Variants in TMEM132D observed in about 807,000 individuals in gnomAD.
The protein encoded by TMEM132D is transmembrane protein 132D, also known as mature OL transmembrane protein.
Under a neutral mutation model 62.3 loss-of-function variants are expected in TMEM132D, and 21 were observed. That is an observed-to-expected ratio of 0.34 (90% CI 0.24 to 0.49). TMEM132D has a LOEUF of 0.49. Ranked by LOEUF, TMEM132D falls within the 20% of genes least tolerant of loss-of-function variation. The pLI, the probability that TMEM132D is intolerant of heterozygous loss-of-function variation, is 0.99. For missense variants in TMEM132D, 1,346 were observed against 1,402.8 expected (o/e 0.96, Z 0.65); for synonymous variants, 621 against 575.6 (o/e 1.08, Z -1.13).
chr12:129,278,352 T>C (rs1881052125), intron 4 of TMEM132D, among the ~76,000 whole-genome samples: 2 of 152,170 alleles, frequency 1.3e-5, no homozygotes, highest in South Asian at 2.1e-4. Context: ...GTCCAGGCTC[T>C]GCTACATCAT....
At chr12:129,184,129 T>C (rs1209864428) in intron 5 of TMEM132D, among the ~76,000 whole-genome samples, 1 of 152,104 alleles carries the variant, frequency 6.6e-6, no homozygotes, top group Non-Finnish European at 1.5e-5. Context: ...CATGTCACCG[T>C]CTCACCCCTG....
chr12:129,895,578 A>G (rs1301673476), intron 1 of TMEM132D, among the ~76,000 whole-genome samples: 2 of 152,234 alleles, frequency 1.3e-5, no homozygotes, highest in Non-Finnish European at 2.9e-5. Flanking sequence ...GCTGCCAGGA[A>G]AAGATTCTGC....
chr12:129,695,498 C>T (rs978469557), intron 2 of TMEM132D, among the ~76,000 whole-genome samples: 6 of 152,228 alleles, frequency 3.9e-5, no homozygotes, highest in African/African-American at 9.6e-5. Flanking sequence ...AGGGTAACAA[C>T]GGGATGTACA....
chr12:129,105,798 A>G (rs1875479698), intron 5 of TMEM132D, among the ~76,000 whole-genome samples: 1 of 151,370 alleles, frequency 6.6e-6, no homozygotes, highest in Non-Finnish European at 1.5e-5. Context: ...GAGAAATAGG[A>G]ACAGTTTTAC....
intron 4 of TMEM132D, among the ~76,000 whole-genome samples, chr12:129,266,900 C>T (rs2135598410): frequency 6.6e-6 from 1 of 152,250 alleles, no homozygotes; most frequent in Non-Finnish European, 1.5e-5. Context: ...AGAGCTCTAC[C>T]TCCTCTCACT....
At chr12:129,800,723 G>A (rs564022980) in intron 1 of TMEM132D, among the ~76,000 whole-genome samples, 15 of 152,184 alleles carry the variant, frequency 9.9e-5, no homozygotes, top group Admixed American at 4.6e-4. Flanking sequence ...CAAGATGGCC[G>A]AATAGGAACA....
intron 2 of TMEM132D, among the ~76,000 whole-genome samples, chr12:129,531,692 G>A (rs913679578): frequency 1.3e-5 from 2 of 152,166 alleles, no homozygotes; most frequent in Non-Finnish European, 2.9e-5. Flanking sequence ...CCAAAATGAG[G>A]GGGCTGAGGT....
chr12:129,265,111 A>G (rs1880651364), intron 4 of TMEM132D, among the ~76,000 whole-genome samples: 1 of 152,204 alleles, frequency 6.6e-6, no homozygotes, highest in Non-Finnish European at 1.5e-5. Flanking sequence ...TGGTTCCTAC[A>G]AAATCCAGGA....
intron 3 of TMEM132D, among the ~76,000 whole-genome samples, chr12:129,461,576 T>G (rs559353909): frequency 3.9e-4 from 60 of 152,268 alleles, no homozygotes; most frequent in African/African-American, 1.4e-3. Flanking sequence ...GACTTATTCA[T>G]CTTCTTACAG....
At chr12:129,092,513 G>GGA (rs1365551516) in intron 5 of TMEM132D, among the ~76,000 whole-genome samples, 1 of 151,948 alleles carries the variant, frequency 6.6e-6, no homozygotes, top group Non-Finnish European at 1.5e-5. Flanking sequence ...CGGCCAACAT[G>GGA]GTGAAACCTG....
chr12:129,819,424 C>T (rs975308826), intron 1 of TMEM132D, among the ~76,000 whole-genome samples: 7 of 152,124 alleles, frequency 4.6e-5, no homozygotes, highest in Non-Finnish European at 8.8e-5. Flanking sequence ...GTCGGGGAGT[C>T]GCTATCTCTT....
Position 129,429,578 on chromosome 12 carries a change from CTTTCT to C in TMEM132D, c.1116-91766_1116-91762del, listed in dbSNP as rs1335916085. Among the ~76,000 whole-genome samples, 153 of 131,110 alleles carry C rather than the reference CTTTCT, an allele frequency of 1.2e-3. 3 individuals are homozygous for C. In the South Asian group the frequency reaches 0.019, roughly 16 times the overall value. 86.0% of individuals were successfully genotyped at this position (131,110 alleles called of 152,430 possible). On this transcript the variant is annotated intron_variant, in intron 3 of 8. Transcript: ENST00000422113. Reference sequence around the variant, plus strand: ...TGTGTGCCACCACACCCAGCTAATTCTTTCTTTTTTTTTTTTTTAATATACTTTAA... The same window carrying C: ...TGTGTGCCACCACACCCAGCTAATTCTTTTTTTTTTTTTAATATACTTTAA...
chr12:129,750,868 A>G (rs1264437180), intron 1 of TMEM132D, among the ~76,000 whole-genome samples: 2 of 152,178 alleles, frequency 1.3e-5, no homozygotes. Context: ...ATAAATGTTT[A>G]AGCCAATGAA....
At chr12:129,749,519 C>T (rs975851191) in intron 1 of TMEM132D, among the ~76,000 whole-genome samples, 13 of 150,014 alleles carry the variant, frequency 8.7e-5, no homozygotes, top group South Asian at 2.1e-4. Context: ...TGCAGTGGCA[C>T]GATCTCAGCT....
chr12:129,502,864 C>T (rs1307071305), intron 3 of TMEM132D, among the ~76,000 whole-genome samples: 2 of 152,284 alleles, frequency 1.3e-5, no homozygotes, highest in East Asian at 3.9e-4. Flanking sequence ...GAGGTTAGCT[C>T]TACCCCAAGA....
At chr12:129,323,621 TA>T (rs960041541) in intron 4 of TMEM132D, among the ~76,000 whole-genome samples, 32 of 152,122 alleles carry the variant, frequency 2.1e-4, no homozygotes, top group African/African-American at 7.0e-4. Context: ...TCACAGGTTA[TA>T]AAAAAAATAC....
chr12:129,287,259 G>C (rs1881327171), intron 4 of TMEM132D, among the ~76,000 whole-genome samples: 2 of 152,196 alleles, frequency 1.3e-5, no homozygotes, highest in Non-Finnish European at 2.9e-5. Flanking sequence ...TGATAGTAAT[G>C]CTCTATAATC....
intron 3 of TMEM132D, among the ~76,000 whole-genome samples, chr12:129,359,913 A>G (rs539807546): frequency 3.7e-4 from 56 of 152,186 alleles, no homozygotes; most frequent in African/African-American, 1.3e-3. Context: ...ATTTGTATAG[A>G]TAATAATAAG....
intron 1 of TMEM132D, among the ~76,000 whole-genome samples, chr12:129,831,739 G>C (rs944376410): frequency 1.4e-4 from 21 of 152,024 alleles, no homozygotes; most frequent in Admixed American, 1.4e-3. Flanking sequence ...CTGACCAGCA[G>C]AAAAACTGAG....
Sources: gnomAD v4.1 joint callset for allele counts (sites outside exome capture counted in the v4.1 genomes callset) on GRCh38, gnomAD v4.1.1 for gene constraint, MANE v1.5 for transcripts, NCBI Gene and HGNC (gene_info 2026-07-23, HGNC 2026-07-21) for gene names.